Variants in CARS2 observed in about 807,000 individuals in gnomAD.
CARS2 encodes probable cysteine--tRNA ligase, mitochondrial.
In CARS2, 52 loss-of-function variants were observed where a neutral mutation model predicts 68.8. The ratio of observed to expected loss-of-function variants is 0.76; its 90% CI spans 0.61 to 0.95. The LOEUF (loss-of-function observed/expected upper bound fraction) is 0.95. CARS2 is among the 40% of genes least tolerant of loss of function. CARS2 has a pLI of 0.00. For synonymous variants in CARS2, 314 were observed against 303.6 expected (o/e 1.03, Z -0.36); for missense variants, 780 against 754.2 (o/e 1.03, Z -0.40).
At chr13:110,690,558 T>C (rs1407523768) in intron 3 of CARS2, among the ~76,000 whole-genome samples, 2 of 152,250 alleles carry the variant, frequency 1.3e-5, no homozygotes, top group Admixed American at 6.5e-5. Flanking sequence ...AGGTGGCCTC[T>C]ACTCCCCCTT....
chr13:110,647,680 G>T (rs1191090403), intron 10 of CARS2, among the ~76,000 whole-genome samples: 1 of 83,776 alleles, frequency 1.2e-5, no homozygotes, highest in African/African-American at 7.9e-5. Context: ...TGTGTGTGAT[G>T]GGACAGCCCA....
At chr13:110,677,491 C>T (rs1395429244) in intron 6 of CARS2, among the ~76,000 whole-genome samples, 20 of 133,516 alleles carry the variant, frequency 1.5e-4, no homozygotes, top group African/African-American at 4.4e-4. Flanking sequence ...ACCACAGAAA[C>T]TCAGTCACCC....
chr13:110,706,784 C>A (rs2063970177), upstream of CARS2, among the ~76,000 whole-genome samples: 1 of 149,686 alleles, frequency 6.7e-6, no homozygotes, highest in African/African-American at 2.5e-5. Flanking sequence ...CATCAGCATC[C>A]CAATACAGTG....
upstream of CARS2, among the ~76,000 whole-genome samples, chr13:110,708,024 C>A (rs1001957609): frequency 6.6e-5 from 10 of 152,192 alleles, no homozygotes; most frequent in Non-Finnish European, 2.9e-5. Context: ...TCACTTCTTG[C>A]CTGCCTTATG....
At chr13:110,664,335 C>T (rs2062588762) in intron 8 of CARS2, 7 of 371,420 alleles carry the variant, frequency 1.9e-5, no homozygotes, top group South Asian at 1.1e-4. Flanking sequence ...TGGCAACACC[C>T]GGTCTCTACA....
At position 110,651,016 on chromosome 13, in the gene CARS2, C is replaced by T. The variant is rs932427630; in HGVS notation, c.1054+18G>A. The T allele has an allele frequency of 1.9e-6, 3 of 1,600,960 alleles. No individual in the cohort carries two copies. The highest frequency in any genetic ancestry group is 2.6e-6 in the Non-Finnish European group (3 of 1,170,130). On this transcript the variant is annotated intron_variant, in intron 10 of 14. Coordinates refer to ENST00000257347, the MANE Select transcript of CARS2 (RefSeq NM_024537.4). ...TCCGAGCTGGGGGGGGAGTCCACTC[C>T]ACGTGTGCTCGGCTCACCTGAGCGG...
At position 110,668,552 on chromosome 13, in the gene CARS2, A is replaced by AG. The variant is rs1250602805; in HGVS notation, c.786-1080_786-1079insC. Among the ~76,000 whole-genome samples the AG allele has an allele frequency of 6.6e-6, 1 of 151,812 alleles. No homozygotes were observed. The highest frequency in any genetic ancestry group is 1.5e-5 in the Non-Finnish European group (1 of 67,920). ...GCGAGACTCCGTCTCAAAAAAAAAAAAAGATTTTTACATCTTAGTGACGGG... is the reference window on the plus strand; with the variant it reads ...GCGAGACTCCGTCTCAAAAAAAAAAAGAAGATTTTTACATCTTAGTGACGGG... On this transcript the variant is annotated intron_variant, in intron 7 of 14. Transcript: ENST00000257347. This position sits in a 1 kb window ranked among gnomAD's most constrained non-coding sequence, Gnocchi z 4.1.
chr13:110,682,702 T>C (rs957145625), intron 6 of CARS2, among the ~76,000 whole-genome samples: 2 of 152,154 alleles, frequency 1.3e-5, no homozygotes, highest in Non-Finnish European at 2.9e-5. Context: ...GGGAATTAAA[T>C]GTACGGTAAC....
chr13:110,647,219 C>G lies in CARS2; in HGVS notation c.1075G>C (p.Ala359Pro), dbSNP rs570568500. ...AGCAGCTGCTGAGCTTGGAGCATGG[C>G]GCTGTCACTGTAGTCGATGGCTGAG... The part of the protein sequence containing the change: ...YRSAIDYSDS[A>P]MLQAQQLLLG... Residue 359 changes from alanine (A) to proline (P), a missense_variant, in exon 11 of 15, where the codon GCC (alanine) becomes CCC (proline). Transcript: ENST00000257347. 6.2e-7 allele frequency: 1 copy of G among 1,613,114 alleles called. No individual in the cohort carries two copies. The highest frequency in any genetic ancestry group is 8.5e-7 in the Non-Finnish European group (1 of 1,179,748).
At chr13:110,700,232 T>C (rs374908125) in intron 3 of CARS2, among the ~76,000 whole-genome samples, 1 of 152,170 alleles carries the variant, frequency 6.6e-6, no homozygotes, top group East Asian at 1.9e-4. Flanking sequence ...GACAGGGAAC[T>C]ACTGAAGACT....
intron 2 of CARS2, among the ~76,000 whole-genome samples, chr13:110,702,352 A>G (rs186494877): frequency 3.2e-4 from 49 of 152,334 alleles, no homozygotes; most frequent in Admixed American, 1.4e-3. Flanking sequence ...CCAAAACTCA[A>G]CAAGATAATT....
At position 110,670,713 on chromosome 13, in the gene CARS2, T is replaced by C. The variant is rs1021925638; in HGVS notation, c.786-3240A>G. On this transcript the variant is annotated intron_variant, in intron 7 of 14. Transcript: ENST00000257347. The surrounding 1 kb of genome is among the most constrained non-coding windows in gnomAD (Gnocchi z 4.1). ...GAACAAAGCTGGACAGAGAATGACT[T>C]TGATGAGTTGAGAGAAGAAGGCTTC... Among the ~76,000 whole-genome samples the C allele has an allele frequency of 6.6e-6, 1 of 152,134 alleles. No homozygotes were observed.
intron 11 of CARS2, 135 bp from the exon 12 acceptor site, chr13:110,646,225 A>G: frequency 9.8e-7 from 1 of 1,018,846 alleles, no homozygotes; most frequent in South Asian, 1.8e-5. Flanking sequence ...ATTCCCAAAG[A>G]CTTGAGTTCC....
rs1182479017 is a variant in CARS2 at position 110,670,707 on chromosome 13, A to G, written c.786-3234T>C. ...GCAATGGAACAAAGCTGGACAGAGA[A>G]TGACTTTGATGAGTTGAGAGAAGAA... On this transcript the variant is annotated intron_variant, in intron 7 of 14. Coordinates refer to ENST00000257347, the MANE Select transcript of CARS2 (RefSeq NM_024537.4). The surrounding 1 kb of genome is among the most constrained non-coding windows in gnomAD (Gnocchi z 4.1). 3.3e-5 allele frequency among the ~76,000 whole-genome samples: 5 copies of G among 152,220 alleles called. No homozygotes were observed. Among genetic ancestry groups the G allele is most frequent in the Non-Finnish European group, 7.3e-5 (5 of 68,030 alleles).
At chr13:110,690,837 C>T (rs2063438606) in intron 3 of CARS2, among the ~76,000 whole-genome samples, 1 of 152,214 alleles carries the variant, frequency 6.6e-6, no homozygotes, top group South Asian at 2.1e-4. Flanking sequence ...AGCCAACTTT[C>T]ACATGGTGTC....
At chr13:110,686,844 C>T (rs1054560633) in intron 5 of CARS2, among the ~76,000 whole-genome samples, 8 of 151,992 alleles carry the variant, frequency 5.3e-5, no homozygotes, top group African/African-American at 1.9e-4. Context: ...AGGCATCAGC[C>T]ACCATGCCTG....
intron 7 of CARS2, among the ~76,000 whole-genome samples, chr13:110,671,454 C>A (rs781119837): frequency 6.6e-6 from 1 of 152,118 alleles, no homozygotes; most frequent in Non-Finnish European, 1.5e-5. Flanking sequence ...ATTTCATATC[C>A]AGCCAAACTA....
At position 110,676,331 on chromosome 13, in the gene CARS2, G is replaced by A. The variant is rs1369781556; in HGVS notation, c.785+643C>T. ...CGTCCAAGGGGACCAGGGAGAAGGC[G>A]GAGAAAGCTCTACTGAGAGGCAGAA... On this transcript the variant is annotated intron_variant, in intron 7 of 14. Coordinates refer to ENST00000257347, the MANE Select transcript of CARS2 (RefSeq NM_024537.4). The surrounding 1 kb of genome is among the most constrained non-coding windows in gnomAD (Gnocchi z 4.0). 6.6e-6 allele frequency among the ~76,000 whole-genome samples: 1 copy of A among 152,222 alleles called. No homozygotes were observed. The highest frequency in any genetic ancestry group is 2.4e-5 in the African/African-American group (1 of 41,458).
intron 8 of CARS2, 26 bp from the exon 9 acceptor site, chr13:110,663,544 T>A: frequency 6.2e-7 from 1 of 1,611,990 alleles, no homozygotes; most frequent in East Asian, 2.2e-5. Flanking sequence ...AAGCATTCAG[T>A]CTGAGCTGGG....
Sources: gnomAD v4.1 joint callset for allele counts (sites outside exome capture counted in the v4.1 genomes callset) on GRCh38, gnomAD v4.1.1 for gene constraint, Gnocchi (gnomAD v3.1) non-coding constraint, MANE v1.5 for transcripts, NCBI Gene and HGNC (gene_info 2026-07-23, HGNC 2026-07-21) for gene names.